TMEM38B: variants seen among roughly 807,000 people sequenced by gnomAD.
TMEM38B encodes transmembrane protein 38B.
TMEM38B carries 24 observed loss-of-function variants against 28.7 expected under a neutral mutation model. The observed-to-expected ratio is 0.84, with a 90% confidence interval of 0.61 to 1.18. The LOEUF (loss-of-function observed/expected upper bound fraction) is 1.18, where lower values mean the gene tolerates loss of function less well. Ranked by LOEUF, TMEM38B falls within the 50% of genes most tolerant of loss-of-function variation. TMEM38B has a pLI of 0.00. For synonymous variants in TMEM38B, 131 were observed against 127.7 expected (o/e 1.03, Z -0.17); for missense variants, 380 against 350.9 (o/e 1.08, Z -0.66).
At chr9:105,741,649 G>A (rs758782233) in intron 4 of TMEM38B, among the ~76,000 whole-genome samples, 4 of 152,220 alleles carry the variant, frequency 2.6e-5, no homozygotes, top group Non-Finnish European at 4.4e-5. Context: ...ATCAGTGAAT[G>A]TGGATGTTTT....
intron 4 of TMEM38B, among the ~76,000 whole-genome samples, chr9:105,734,675 C>T (rs1255101263): frequency 1.3e-5 from 2 of 151,924 alleles, no homozygotes; most frequent in Non-Finnish European, 2.9e-5. Context: ...ACTTTTTTAT[C>T]ATTAAATACT....
intron 5 of TMEM38B, chr9:105,759,681 GT>G: frequency 1.3e-6 from 2 of 1,599,026 alleles, no homozygotes; most frequent in South Asian, 1.1e-5. Context: ...ATACTAAACT[GT>G]TTTTAGAGTC....
chr9:105,760,834 GTC>G (rs1276214284), intron 5 of TMEM38B: 15 of 658,184 alleles, frequency 2.3e-5, no homozygotes. Flanking sequence ...TCAAAAGGAA[GTC>G]TGTTATTAAT....
At chr9:105,705,982 C>A (rs1835647883) in intron 2 of TMEM38B, among the ~76,000 whole-genome samples, 1 of 150,932 alleles carries the variant, frequency 6.6e-6, no homozygotes, top group Non-Finnish European at 1.5e-5. Flanking sequence ...CTCACTGCAA[C>A]CTCCACCTCC....
intron 5 of TMEM38B, among the ~76,000 whole-genome samples, chr9:105,761,169 A>T (rs1021611872): frequency 4.6e-5 from 7 of 152,202 alleles, no homozygotes; most frequent in Non-Finnish European, 1.5e-5. Context: ...CTTTGTTTCT[A>T]AGTATAAGAA....
chr9:105,727,004 A>G (rs987716501), intron 4 of TMEM38B, among the ~76,000 whole-genome samples: 1 of 152,114 alleles, frequency 6.6e-6, no homozygotes, highest in African/African-American at 2.4e-5. Flanking sequence ...TTCATAGACT[A>G]CTGAGAACAT....
At chr9:105,697,944 G>T (rs892778370) in intron 1 of TMEM38B, among the ~76,000 whole-genome samples, 1 of 152,024 alleles carries the variant, frequency 6.6e-6, no homozygotes, top group South Asian at 2.1e-4. Context: ...TTGTATAGAT[G>T]TTCCTTTGCA....
chr9:105,722,900 G>A (rs544952109), intron 4 of TMEM38B, among the ~76,000 whole-genome samples: 1 of 152,226 alleles, frequency 6.6e-6, no homozygotes, highest in South Asian at 2.1e-4. Flanking sequence ...TGTGGGAAAA[G>A]TATATATTTA....
chr9:105,761,027 AT>A (rs1838026482), intron 5 of TMEM38B, among the ~76,000 whole-genome samples: 1 of 152,146 alleles, frequency 6.6e-6, no homozygotes, highest in South Asian at 2.1e-4. Flanking sequence ...CTAAAATTTT[AT>A]TTGCTTGAAT....
rs142182209 is a variant in TMEM38B, at chr9:105,775,876, T to A, written c.*1796T>A. 6.6e-6 allele frequency: 1 copy of A among 152,180 alleles called. No individual in the cohort carries two copies. Among genetic ancestry groups the A allele is most frequent in the Non-Finnish European group, 1.5e-5 (1 of 68,022 alleles). 9.4% of individuals were successfully genotyped at this position (152,180 alleles called of 1,614,324 possible). On this transcript the variant is annotated 3_prime_UTR_variant, in exon 6 of 6. Coordinates refer to ENST00000374692, the MANE Select transcript of TMEM38B (RefSeq NM_018112.3). ...TCTTGAGGTAGAGTTTCAGAACTCA[T>A]CTAGTATTTTGACTAATATAGTATA...
intron 4 of TMEM38B, among the ~76,000 whole-genome samples, chr9:105,731,247 A>G (rs1476081870): frequency 1.3e-5 from 2 of 151,864 alleles, no homozygotes; most frequent in Non-Finnish European, 2.9e-5. Context: ...TGTGCCCCAG[A>G]GATTCTGGTA....
chr9:105,768,057 A>C (rs556304290), intron 5 of TMEM38B, among the ~76,000 whole-genome samples: 2 of 152,120 alleles, frequency 1.3e-5, no homozygotes, highest in Non-Finnish European at 2.9e-5. Context: ...GATATTAGCT[A>C]TTAAGCATCT....
chr9:105,746,604 C>T (rs1837404408), intron 4 of TMEM38B, among the ~76,000 whole-genome samples: 1 of 152,128 alleles, frequency 6.6e-6, no homozygotes, highest in South Asian at 2.1e-4. Flanking sequence ...GCCAGAACTT[C>T]CAACACTATG....
At chr9:105,745,360 T>C (rs943437769) in intron 4 of TMEM38B, among the ~76,000 whole-genome samples, 9 of 152,250 alleles carry the variant, frequency 5.9e-5, no homozygotes, top group African/African-American at 2.2e-4. Context: ...TTTTTTCATC[T>C]GTCTGTTGGC....
chr9:105,731,616 G>T (rs370333114), intron 4 of TMEM38B, among the ~76,000 whole-genome samples: 13 of 151,922 alleles, frequency 8.6e-5, no homozygotes, highest in Non-Finnish European at 1.9e-4. Flanking sequence ...TTCATCCATG[G>T]CCCTACAAAG....
intron 2 of TMEM38B, chr9:105,710,414 C>T (rs939977998): frequency 1.6e-5 from 17 of 1,031,200 alleles, no homozygotes; most frequent in East Asian, 7.1e-5. Flanking sequence ...TTCATAACTT[C>T]GGCTTCTAGG....
At chr9:105,751,542 C>T (rs1420835258) in intron 5 of TMEM38B, among the ~76,000 whole-genome samples, 1 of 152,210 alleles carries the variant, frequency 6.6e-6, no homozygotes, top group African/African-American at 2.4e-5. Flanking sequence ...TCCATCCGTA[C>T]ATATTCCTAG....
intron 5 of TMEM38B, among the ~76,000 whole-genome samples, chr9:105,761,525 A>G (rs1384936780): frequency 6.6e-6 from 1 of 152,198 alleles, no homozygotes; most frequent in Non-Finnish European, 1.5e-5. Flanking sequence ...GATAAATAAA[A>G]CATATAATCT....
chr9:105,710,807 C>T, intron 2 of TMEM38B: 1 of 438,426 alleles, frequency 2.3e-6, no homozygotes, highest in Non-Finnish European at 4.4e-6. Flanking sequence ...CCACTGGGTG[C>T]ACTAACGGGC....
Sources: gnomAD v4.1 joint callset for allele counts (sites outside exome capture counted in the v4.1 genomes callset) on GRCh38, gnomAD v4.1.1 for gene constraint, MANE v1.5 for transcripts, NCBI Gene and HGNC (gene_info 2026-07-23, HGNC 2026-07-21) for gene names.